The following CACNA1E variants were observed in gnomAD, a reference collection of about 807,000 sequenced individuals.
The protein encoded by CACNA1E is calcium voltage-gated channel subunit alpha1 E.
A neutral mutation model predicts 259.2 loss-of-function variants in CACNA1E; 40 were observed. That is an observed-to-expected ratio of 0.15 (90% confidence interval 0.12 to 0.20). The LOEUF (loss-of-function observed/expected upper bound fraction) is 0.20. Among genes scored for constraint, CACNA1E ranks in the 10% least tolerant of loss-of-function variants. The pLI is 1.00. For synonymous variants in CACNA1E, 1,104 were observed against 1,138.5 expected (o/e 0.97, Z 0.61); for missense variants, 1,874 against 3,040.1 (o/e 0.62, Z 9.02).
rs1663766571 is a variant in CACNA1E, at chr1:181,485,889, T to A, written c.266+1879T>A. On this transcript the variant is annotated intron_variant, in intron 1 of 47. Coordinates refer to ENST00000367573, the MANE Select transcript of CACNA1E (RefSeq NM_001205293.3). This position sits in a 1 kb window ranked among gnomAD's most constrained non-coding sequence, Gnocchi z 4.2. ...CAAAGCCGCCCAACCGCCCCGCGGG[T>A]GGCAAAGTGTGCCAGCAGCCATCGT... Among the ~76,000 whole-genome samples the A allele has an allele frequency of 6.6e-6, 1 of 152,172 alleles. No individual in the cohort carries two copies. The highest frequency in any genetic ancestry group is 1.5e-5 in the Non-Finnish European group (1 of 68,028).
At chr1:181,652,784 A>G (rs1658876148) in intron 7 of CACNA1E, among the ~76,000 whole-genome samples, 1 of 152,172 alleles carries the variant, frequency 6.6e-6, no homozygotes, top group African/African-American at 2.4e-5. Flanking sequence ...CATCCTAGCA[A>G]AAGTTAGGAG....
chr1:181,351,051 T>G (rs1653005392), intron 1 of CACNA1E, among the ~76,000 whole-genome samples: 1 of 152,196 alleles, frequency 6.6e-6, no homozygotes, highest in South Asian at 2.1e-4. Context: ...TTTTGGAGAC[T>G]GGGTTAGGAA....
intron 2 of CACNA1E, among the ~76,000 whole-genome samples, chr1:181,472,722 C>A (rs111721377): frequency 6.6e-6 from 1 of 152,128 alleles, no homozygotes; most frequent in African/African-American, 2.4e-5. Flanking sequence ...TGCACGCGTG[C>A]GTGTGTGTGC....
chr1:181,372,414 A>G (rs1230216400), intron 1 of CACNA1E, among the ~76,000 whole-genome samples: 1 of 152,142 alleles, frequency 6.6e-6, no homozygotes, highest in Admixed American at 6.5e-5. Flanking sequence ...TTATTGGTGT[A>G]TAGAAATAAT....
chr1:181,661,760 G>A (rs189105791), intron 7 of CACNA1E, among the ~76,000 whole-genome samples: 1 of 152,276 alleles, frequency 6.6e-6, no homozygotes, highest in East Asian at 1.9e-4. Context: ...GTGACCATAT[G>A]AGGAAGTACT....
intron 6 of CACNA1E, among the ~76,000 whole-genome samples, chr1:181,612,130 A>G (rs990543914): frequency 2.0e-5 from 3 of 152,164 alleles, no homozygotes; most frequent in African/African-American, 7.2e-5. Flanking sequence ...CTGGCCACCT[A>G]TGGAAGCAAG....
At chr1:181,452,269 G>C (rs1351996869) in intron 2 of CACNA1E, among the ~76,000 whole-genome samples, 1 of 152,228 alleles carries the variant, frequency 6.6e-6, no homozygotes, top group Non-Finnish European at 1.5e-5. Context: ...AGACTGTGCA[G>C]TTTACAAAGC....
chr1:181,392,681 T>A (rs1656383175), intron 1 of CACNA1E, among the ~76,000 whole-genome samples: 1 of 152,152 alleles, frequency 6.6e-6, no homozygotes, highest in African/African-American at 2.4e-5. Context: ...AAATGTGTGA[T>A]CAGTGATCTC....
At chr1:181,521,810 G>T (rs527974974) in intron 3 of CACNA1E, among the ~76,000 whole-genome samples, 13 of 152,250 alleles carry the variant, frequency 8.5e-5, no homozygotes, top group African/African-American at 3.1e-4. Flanking sequence ...AAGAGGGAAG[G>T]GGACAGGATG....
rs375801525 is a variant in CACNA1E, at chr1:181,763,513, C to A, written c.4797C>A (p.Thr1599=). Residue 1599 remains threonine, a synonymous_variant, in exon 34 of 48, where the codon ACC becomes ACA. Coordinates refer to ENST00000367573, the MANE Select transcript of CACNA1E (RefSeq NM_001205293.3). Reference sequence around the variant, plus strand: ...ATACCATACGCATTTTGCTGTGGACCTTTGTGCAGTCCTTTAAGGTAAGAG... The same window carrying A: ...ATACCATACGCATTTTGCTGTGGACATTTGTGCAGTCCTTTAAGGTAAGAG... ...QGYTIRILLW[T]FVQSFKALPY... The A allele has an allele frequency of 1.3e-6, 2 of 1,585,050 alleles. No individual in the cohort carries two copies. Among genetic ancestry groups the A allele is most frequent in the Admixed American group, 1.7e-5 (1 of 59,352 alleles).
At chr1:181,385,035 G>A (rs1655739350) in intron 1 of CACNA1E, among the ~76,000 whole-genome samples, 1 of 152,046 alleles carries the variant, frequency 6.6e-6, no homozygotes, top group Non-Finnish European at 1.5e-5. Context: ...TGATGTCTCT[G>A]CTGAGATGGA....
intron 2 of CACNA1E, among the ~76,000 whole-genome samples, chr1:181,455,869 T>G (rs1661432424): frequency 6.6e-6 from 1 of 152,306 alleles, no homozygotes; most frequent in African/African-American, 2.4e-5. Context: ...TGAGCAGTAG[T>G]GTGCCAGATG....
intron 2 of CACNA1E, among the ~76,000 whole-genome samples, chr1:181,438,756 T>C (rs1660254712): frequency 6.6e-6 from 1 of 152,244 alleles, no homozygotes; most frequent in South Asian, 2.1e-4. Context: ...GGTACGCTTA[T>C]TTTGGAAGAA....
chr1:181,407,497 C>T (rs1223515984), intron 1 of CACNA1E, among the ~76,000 whole-genome samples: 2 of 152,096 alleles, frequency 1.3e-5, no homozygotes, highest in Non-Finnish European at 2.9e-5. Flanking sequence ...AATGTAGGTT[C>T]CTGAACCCAC....
chr1:181,485,579 T>A lies in CACNA1E; in HGVS notation c.266+1569T>A, dbSNP rs370875815. ...GATCCCAGGCCATCCATTGCCTGAG[T>A]TGAACGTATCTAGCTAGGGTGGAGG... On this transcript the variant is annotated intron_variant, in intron 1 of 47. Transcript: ENST00000367573. The surrounding 1 kb of genome is among the most constrained non-coding windows in gnomAD (Gnocchi z 4.2). Among the ~76,000 whole-genome samples the A allele has an allele frequency of 3.2e-4, 48 of 152,274 alleles. 2 individuals carry two copies. In the East Asian group the frequency reaches 6.4e-3, roughly 20 times the overall value.
chr1:181,770,403 C>T (rs959539721), intron 35 of CACNA1E, among the ~76,000 whole-genome samples: 28 of 152,166 alleles, frequency 1.8e-4, no homozygotes, highest in African/African-American at 6.3e-4. Context: ...TTCATCATTA[C>T]TCAGTCTCTG....
At chr1:181,346,500 C>A (rs1232914736) in intron 1 of CACNA1E, among the ~76,000 whole-genome samples, 3 of 152,142 alleles carry the variant, frequency 2.0e-5, no homozygotes, top group African/African-American at 4.8e-5. Flanking sequence ...TATTTTGAGA[C>A]CTTGTCACTT....
At chr1:181,515,506 A>G (rs1049059517) in intron 3 of CACNA1E, among the ~76,000 whole-genome samples, 1 of 152,176 alleles carries the variant, frequency 6.6e-6, no homozygotes, top group African/African-American at 2.4e-5. Flanking sequence ...GGACGTTATT[A>G]TATTTTCCCA....
intron 7 of CACNA1E, among the ~76,000 whole-genome samples, chr1:181,662,717 G>GGGAAAGAGCCATTCTTACC (rs147806479): frequency 0.026 from 3,952 of 152,238 alleles, 80 homozygotes; most frequent in Non-Finnish European, 0.037. Context: ...AGGTGGGGCT[G>GGGAAAGAGCCATTCTTACC]GGAAAGAGCC....
Sources: allele counts gnomAD v4.1 joint callset (sites outside exome capture counted in the v4.1 genomes callset), GRCh38; gene constraint gnomAD v4.1.1; non-coding constraint Gnocchi (gnomAD v3.1); transcripts MANE v1.5; gene names NCBI Gene and HGNC (gene_info 2026-07-23, HGNC 2026-07-21).